The following WDTC1 variants were observed in gnomAD, a reference collection of about 807,000 sequenced individuals.
WDTC1 encodes the protein WD and tetratricopeptide repeats 1, also known as WD and tetratricopeptide repeats protein 1.
A neutral mutation model predicts 76.0 loss-of-function variants in WDTC1; 12 were observed. The observed-to-expected ratio is 0.16, with a 90% CI of 0.10 to 0.26. The LOEUF (loss-of-function observed/expected upper bound fraction) is 0.26, where lower values mean the gene tolerates loss of function less well. Ranked by LOEUF, WDTC1 falls within the 10% of genes least tolerant of loss-of-function variation. The pLI, the probability that WDTC1 is intolerant of heterozygous loss-of-function variation, is 1.00. For synonymous variants in WDTC1, 326 were observed against 350.8 expected (o/e 0.93, Z 0.79); for missense variants, 511 against 908.8 (o/e 0.56, Z 5.63).
intron 1 of WDTC1, among the ~76,000 whole-genome samples, chr1:27,253,935 A>G (rs1004925754): frequency 6.6e-6 from 1 of 152,154 alleles, no homozygotes; most frequent in Non-Finnish European, 1.5e-5. Context: ...TCATGTTTAA[A>G]TCTTCTCATC....
rs1279682857 is a variant in WDTC1, at chr1:27,308,347, A to G, written c.*1964A>G. On this transcript the variant is annotated 3_prime_UTR_variant, in exon 16 of 16. Transcript: ENST00000319394. ...TCTATGACTTAGTAACCACACCTCT[A>G]CTGGACAGAATGAGGCCTGCCTTGA... 1 of 152,148 alleles carries G rather than the reference A, an allele frequency of 6.6e-6. No homozygotes were observed. The highest frequency in any genetic ancestry group is 1.5e-5 in the Non-Finnish European group (1 of 68,030). The allele number at this position is 152,148 out of a possible 1,614,324, so 9.4% of individuals were successfully genotyped here.
Position 27,296,396 on chromosome 1 carries a change from CG to C in WDTC1, c.949+1del, listed in dbSNP as rs1557506828. ...TFLLPRKCHS[S>X]GEVQNGKMST... ...CTCTTGCCTAGAAAATGCCACTCCT[CG>C]GGGGGTAAGTTCTCCCTTAGGGTAT... On this transcript the variant is annotated frameshift_variant, in exon 10 of 16. Coordinates refer to ENST00000319394, the MANE Select transcript of WDTC1 (RefSeq NM_001276252.2). LOFTEE classifies it high-confidence loss of function. 1 of 1,614,062 alleles carries C rather than the reference CG, an allele frequency of 6.2e-7. No homozygotes were observed.
At chr1:27,296,463 A>G (rs1260998185) in intron 10 of WDTC1, 62 bp downstream of exon 10, 1 of 1,552,370 alleles carries the variant, frequency 6.4e-7, no homozygotes. Context: ...TGCATGCTAC[A>G]CCTGCTGAGA....
chr1:27,280,867 G>A (rs555982537), intron 3 of WDTC1, among the ~76,000 whole-genome samples: 2 of 152,342 alleles, frequency 1.3e-5, no homozygotes, highest in African/African-American at 4.8e-5. Context: ...GTCAGAAAAT[G>A]TTCTCAAAGA....
rs145923108 is a variant in WDTC1, at chr1:27,302,949, T to C, written c.1469-672T>C. Among the ~76,000 whole-genome samples the C allele has an allele frequency of 1.1e-3, 171 of 152,182 alleles. 1 individual carries two copies. The highest frequency in any genetic ancestry group is 3.7e-3 in the African/African-American group (155 of 41,520). On this transcript the variant is annotated intron_variant, in intron 13 of 15. Coordinates refer to ENST00000319394, the MANE Select transcript of WDTC1 (RefSeq NM_001276252.2). Reference sequence around the variant, plus strand: ...TTCCAGAGGGTAAGGGCATGGTCCTTACTGCCCTAAGTGCCATGAATCTGT... The same window carrying C: ...TTCCAGAGGGTAAGGGCATGGTCCTCACTGCCCTAAGTGCCATGAATCTGT...
chr1:27,265,780 T>C (rs979914567), intron 3 of WDTC1, among the ~76,000 whole-genome samples: 3 of 151,958 alleles, frequency 2.0e-5, no homozygotes, highest in Admixed American at 1.3e-4. Flanking sequence ...AGCCCATCTC[T>C]ACAAAAAAAT....
intron 1 of WDTC1, among the ~76,000 whole-genome samples, chr1:27,235,183 G>T (rs1423256335): frequency 2.0e-5 from 3 of 152,140 alleles, no homozygotes; most frequent in Admixed American, 6.5e-5. Flanking sequence ...TCGGGACGCG[G>T]GGGGAGGCTG....
chr1:27,244,502 T>C (rs2147904932), intron 1 of WDTC1, among the ~76,000 whole-genome samples: 1 of 152,202 alleles, frequency 6.6e-6, no homozygotes, highest in Admixed American at 6.5e-5. Context: ...CCACCATGCC[T>C]GGCTAATTTT....
intron 6 of WDTC1, among the ~76,000 whole-genome samples, chr1:27,288,776 C>T (rs933554479): frequency 5.3e-5 from 8 of 149,838 alleles, no homozygotes; most frequent in Middle Eastern, 3.4e-3. Flanking sequence ...GGCAACCATC[C>T]GATTTCTCAA....
intron 1 of WDTC1, among the ~76,000 whole-genome samples, chr1:27,244,686 G>A (rs2011754001): frequency 2.0e-5 from 3 of 152,268 alleles, no homozygotes; most frequent in Middle Eastern, 3.4e-3. Flanking sequence ...TGAAAGTGAA[G>A]TTGAGTCCTT....
Position 27,306,356 on chromosome 1 carries a change from G to T in WDTC1, c.2007G>T (p.Glu669Asp). ...CCTCTGATGATGAGGACAGCTCTGA[G>T]GGCCAGGTGCAGTGCCGGCCCAGCT... ...AGASDDEDSS[E>D]GQVQCRPS The change falls in exon 16 of 16, where the codon GAG becomes GAT. Residue 669 changes from glutamate to aspartate, a missense_variant. Transcript: ENST00000319394. The surrounding 1 kb of genome is among the most constrained non-coding windows in gnomAD (Gnocchi z 5.0). 1 of 1,613,338 alleles carries T rather than the reference G, an allele frequency of 6.2e-7. No individual in the cohort carries two copies.
rs140726657 is a variant in WDTC1, at chr1:27,296,356, C to A, written c.904C>A (p.Arg302=). The change falls in exon 10 of 16, where the codon CGG becomes AGG. Residue 302 remains arginine, a synonymous_variant. Transcript: ENST00000319394. Reference sequence around the variant, plus strand: ...TTTGTTTGACTTGACTTACAAGCAGCGGCCGTACACCTTCCTCTTGCCTAG... The same window carrying A: ...TTTGTTTGACTTGACTTACAAGCAGAGGCCGTACACCTTCCTCTTGCCTAG... ...VYLFDLTYKQ[R]PYTFLLPRKC... The A allele has an allele frequency of 9.8e-4, 1,582 of 1,614,008 alleles. 3 individuals carry two copies. Among genetic ancestry groups the A allele is most frequent in the Non-Finnish European group, 1.2e-3 (1,448 of 1,179,986 alleles).
chr1:27,282,408 G>C, intron 4 of WDTC1, 123 bp downstream of exon 4: 1 of 898,136 alleles, frequency 1.1e-6, no homozygotes, highest in Non-Finnish European at 1.7e-6. Context: ...GACTGCTGCT[G>C]TCTGCCGTTC....
At chr1:27,253,116 C>T (rs1001410686) in intron 1 of WDTC1, among the ~76,000 whole-genome samples, 1 of 150,314 alleles carries the variant, frequency 6.7e-6, no homozygotes, top group African/African-American at 2.5e-5. Context: ...TCAGGTGATT[C>T]TCCTGCCTCA....
chr1:27,295,609 C>A (rs1422552094), intron 9 of WDTC1, among the ~76,000 whole-genome samples: 1 of 152,092 alleles, frequency 6.6e-6, no homozygotes, highest in Non-Finnish European at 1.5e-5. Flanking sequence ...CAGGCACATG[C>A]CACGCCTGGC....
intron 3 of WDTC1, among the ~76,000 whole-genome samples, chr1:27,277,249 A>T (rs1288290260): frequency 1.3e-5 from 2 of 152,104 alleles, no homozygotes; most frequent in Non-Finnish European, 2.9e-5. Context: ...CTTAAAAAAC[A>T]TTGCCTAATC....
chr1:27,273,669 A>G (rs1047548268), intron 3 of WDTC1, among the ~76,000 whole-genome samples: 29 of 152,132 alleles, frequency 1.9e-4, no homozygotes, highest in Admixed American at 1.8e-3. Flanking sequence ...TCAGTGTTAA[A>G]TTTTCTGATT....
chr1:27,290,333 C>T (rs2013502924), intron 6 of WDTC1, among the ~76,000 whole-genome samples: 1 of 152,174 alleles, frequency 6.6e-6, no homozygotes. Flanking sequence ...ATCCTCCCAC[C>T]TCGGCCTCCC....
At chr1:27,239,346 A>G (rs926949338) in intron 1 of WDTC1, among the ~76,000 whole-genome samples, 2 of 150,310 alleles carry the variant, frequency 1.3e-5, no homozygotes, top group African/African-American at 4.9e-5. Flanking sequence ...AGTGAAACCC[A>G]GTCTCTACAA....
Sources: gnomAD v4.1 joint callset for allele counts (sites outside exome capture counted in the v4.1 genomes callset) on GRCh38, gnomAD v4.1.1 for gene constraint, Gnocchi (gnomAD v3.1) non-coding constraint, MANE v1.5 for transcripts, NCBI Gene and HGNC (gene_info 2026-07-23, HGNC 2026-07-21) for gene names.